The following KSR2 variants were observed in gnomAD, a reference collection of about 807,000 sequenced individuals.
KSR2 encodes the protein kinase suppressor of ras 2.
In KSR2, 25 loss-of-function variants were observed where a neutral mutation model predicts 107.8. That is an observed-to-expected ratio of 0.23 (90% CI 0.17 to 0.32). The LOEUF (loss-of-function observed/expected upper bound fraction) is 0.32, where lower values mean the gene tolerates loss of function less well. Ranked by LOEUF, KSR2 falls within the 10% of genes least tolerant of loss-of-function variation. The probability of loss-of-function intolerance (pLI) is 1.00; values close to 1 mark genes in which losing one functional copy is unlikely to be tolerated. For missense variants in KSR2, 887 were observed against 1,268.9 expected, an observed-to-expected ratio of 0.70 and a Z score of 4.57; for synonymous variants, 480 against 507.0, an observed-to-expected ratio of 0.95 and a Z score of 0.71.
intron 14 of KSR2, among the ~76,000 whole-genome samples, chr12:117,512,658 A>C (rs1246370494): frequency 6.6e-6 from 1 of 152,154 alleles, no homozygotes; most frequent in Non-Finnish European, 1.5e-5. Flanking sequence ...CTCCCAGGCT[A>C]ATATCTCCAG....
chr12:117,837,718 T>A (rs1258768955), intron 3 of KSR2, among the ~76,000 whole-genome samples: 1 of 151,974 alleles, frequency 6.6e-6, no homozygotes, highest in Non-Finnish European at 1.5e-5. Flanking sequence ...TCATTTCTCC[T>A]CCACAAAGTA....
chr12:117,727,340 A>G (rs1011088285), intron 4 of KSR2, among the ~76,000 whole-genome samples: 1 of 151,984 alleles, frequency 6.6e-6, no homozygotes, highest in African/African-American at 2.4e-5. Flanking sequence ...GCACCACTAC[A>G]CTCCAGCCTG....
intron 3 of KSR2, among the ~76,000 whole-genome samples, chr12:117,840,722 G>A (rs1892435026): frequency 1.3e-5 from 2 of 151,798 alleles, no homozygotes; most frequent in South Asian, 2.1e-4. Context: ...AAAATACTAA[G>A]CCAGGCATGG....
At chr12:117,579,304 T>TTTCACATGAAC in intron 6 of KSR2, 102 bp from the exon 7 acceptor site, 1 of 807,056 alleles carries the variant, frequency 1.2e-6, no homozygotes, top group Middle Eastern at 2.2e-4. Context: ...AACCCTGGAT[T>TTTCACATGAAC]CCAGTCCTGT....
intron 1 of KSR2, among the ~76,000 whole-genome samples, chr12:117,938,451 C>T (rs969612369): frequency 5.3e-5 from 8 of 151,674 alleles, no homozygotes; most frequent in South Asian, 4.2e-4. Context: ...TCCAGAGGTT[C>T]GAGATCAGCC....
At chr12:117,572,181 G>A (rs1593006018) in intron 7 of KSR2, among the ~76,000 whole-genome samples, 1 of 152,182 alleles carries the variant, frequency 6.6e-6, no homozygotes, top group African/African-American at 2.4e-5. Context: ...AGAGCACCCT[G>A]ACGCTGCTTC....
At chr12:117,797,223 G>GA (rs1890665092) in intron 3 of KSR2, among the ~76,000 whole-genome samples, 1 of 152,184 alleles carries the variant, frequency 6.6e-6, no homozygotes, top group Non-Finnish European at 1.5e-5. Flanking sequence ...CCAAAAGGTG[G>GA]AAACAATCAC....
chr12:117,968,159 A>G lies in KSR2; in HGVS notation c.97T>C (p.Leu33=). ...QCELVQNMID[L]SISNLEGLRT... is the part of the protein sequence containing the mutation. ...AGCCCTTCCAGGTTGGAGATGCTCA[A>G]GTCTATCATGTTTTGGACCAGTTCG... Residue 33 remains leucine, a synonymous_variant, in exon 1 of 20, where the codon TTG becomes CTG. Transcript: ENST00000339824. 4 of 1,610,934 alleles carry G rather than the reference A, an allele frequency of 2.5e-6. No individual in the cohort carries two copies. Among genetic ancestry groups the G allele is most frequent in the Non-Finnish European group, 3.4e-6 (4 of 1,179,568 alleles).
chr12:117,561,115 TA>T (rs1442008583), intron 7 of KSR2, among the ~76,000 whole-genome samples: 1 of 152,166 alleles, frequency 6.6e-6, no homozygotes, highest in East Asian at 1.9e-4. Context: ...AATTTAAGTT[TA>T]AAAAGGCCAT....
chr12:117,606,361 C>T (rs998069803), intron 5 of KSR2, among the ~76,000 whole-genome samples: 8 of 90,138 alleles, frequency 8.9e-5, no homozygotes, highest in East Asian at 3.9e-4. Context: ...CCCTCCCTCC[C>T]CTCCTTCCTC....
At chr12:117,715,617 T>C (rs1403970979) in intron 4 of KSR2, among the ~76,000 whole-genome samples, 1 of 152,244 alleles carries the variant, frequency 6.6e-6, no homozygotes, top group Non-Finnish European at 1.5e-5. Flanking sequence ...GCAAATGTTT[T>C]CTGTTAAGGG....
intron 4 of KSR2, among the ~76,000 whole-genome samples, chr12:117,749,038 A>T (rs1888515932): frequency 6.6e-6 from 1 of 150,736 alleles, no homozygotes; most frequent in Non-Finnish European, 1.5e-5. Context: ...TCCTTCAGCA[A>T]CTGAAGGTTG....
chr12:117,850,095 A>G (rs910987580), intron 3 of KSR2, among the ~76,000 whole-genome samples: 1 of 152,238 alleles, frequency 6.6e-6, no homozygotes, highest in East Asian at 1.9e-4. Context: ...GGAACCAATT[A>G]TTATTTTTGA....
intron 4 of KSR2, among the ~76,000 whole-genome samples, chr12:117,745,407 C>T (rs1166794942): frequency 1.3e-5 from 2 of 152,104 alleles, no homozygotes; most frequent in African/African-American, 2.4e-5. Flanking sequence ...GAAGAAATGA[C>T]TTATGGAGTA....
At chr12:117,529,769 G>C (rs907486550) in intron 12 of KSR2, among the ~76,000 whole-genome samples, 1 of 152,098 alleles carries the variant, frequency 6.6e-6, no homozygotes, top group African/African-American at 2.4e-5. Context: ...TTGGGAGGCT[G>C]AGGTGGAATG....
chr12:117,458,160 T>C lies in KSR2; in HGVS notation c.*9039A>G, dbSNP rs544541253. On this transcript the variant is annotated 3_prime_UTR_variant, in exon 20 of 20. Transcript: ENST00000339824. ...ACTGAATGAATGGTTGGTGAAGAAA[T>C]CTCTGTCAGAGAGGACAGAGGTTCA... is the stretch of plus-strand genomic sequence containing the variant. 26 of 152,262 alleles carry C rather than the reference T, an allele frequency of 1.7e-4. No homozygotes were observed. The highest frequency in any genetic ancestry group is 6.3e-4 in the African/African-American group (26 of 41,532). The allele number at this position is 152,262 out of a possible 1,614,324, so 9.4% of individuals were successfully genotyped here.
At chr12:117,912,799 A>G (rs1219762253) in intron 1 of KSR2, among the ~76,000 whole-genome samples, 1 of 152,198 alleles carries the variant, frequency 6.6e-6, no homozygotes, top group East Asian at 1.9e-4. Context: ...AACACTTCAG[A>G]GAAGACAGTG....
chr12:117,745,141 C>T (rs1262430528), intron 4 of KSR2, among the ~76,000 whole-genome samples: 1 of 151,962 alleles, frequency 6.6e-6, no homozygotes. Flanking sequence ...TCCAGAGCCC[C>T]TGCCCTACCC....
intron 4 of KSR2, among the ~76,000 whole-genome samples, chr12:117,734,995 C>T (rs1887885836): frequency 6.6e-6 from 1 of 152,190 alleles, no homozygotes; most frequent in African/African-American, 2.4e-5. Flanking sequence ...TCACGGCCTC[C>T]ACTTTCTGGG....
Sources: allele counts gnomAD v4.1 joint callset (sites outside exome capture counted in the v4.1 genomes callset), GRCh38; gene constraint gnomAD v4.1.1; transcripts MANE v1.5; gene names NCBI Gene and HGNC (gene_info 2026-07-23, HGNC 2026-07-21).